The following MINDY4 variants were observed in gnomAD, a reference collection of about 807,000 sequenced individuals.
The protein encoded by MINDY4 is probable ubiquitin carboxyl-terminal hydrolase MINDY-4.
A neutral mutation model predicts 87.0 loss-of-function variants in MINDY4; 68 were observed. That is an observed-to-expected ratio of 0.78 (90% confidence interval 0.64 to 0.96). MINDY4 has a LOEUF of 0.96. MINDY4 is among the 40% of genes least tolerant of loss of function. The pLI, the probability that MINDY4 is intolerant of heterozygous loss-of-function variation, is 0.00. For synonymous variants in MINDY4, 379 were observed against 363.2 expected (o/e 1.04, Z -0.50); for missense variants, 919 against 928.2 (o/e 0.99, Z 0.13).
At chr7:30,776,308 G>C (rs78237147) in intron 1 of MINDY4, among the ~76,000 whole-genome samples, 4 of 152,108 alleles carry the variant, frequency 2.6e-5, no homozygotes, top group African/African-American at 9.7e-5. Flanking sequence ...CTGGCCTTTT[G>C]CAACTGGCTC....
chr7:30,870,499 A>G (rs1006442242), intron 13 of MINDY4, among the ~76,000 whole-genome samples: 13 of 152,134 alleles, frequency 8.5e-5, no homozygotes, highest in Non-Finnish European at 4.4e-5. Context: ...CACCCTTCCC[A>G]GAAGACCCCC....
At chr7:30,775,457 G>A (rs763238884) in intron 1 of MINDY4, among the ~76,000 whole-genome samples, 5 of 152,182 alleles carry the variant, frequency 3.3e-5, no homozygotes, top group African/African-American at 7.2e-5. Context: ...CTTCTGTGCC[G>A]TCTTCAGCAT....
chr7:30,802,834 A>G (rs141550013), intron 5 of MINDY4, among the ~76,000 whole-genome samples: 199 of 151,906 alleles, frequency 1.3e-3, no homozygotes, highest in Non-Finnish European at 2.4e-3. Flanking sequence ...CCAACCAACC[A>G]TCCCAACCGA....
At chr7:30,811,935 T>C (rs533825132) in intron 5 of MINDY4, among the ~76,000 whole-genome samples, 42 of 152,216 alleles carry the variant, frequency 2.8e-4, no homozygotes, top group Non-Finnish European at 5.3e-4. Context: ...CCCTTCCTTC[T>C]TTAACTCAAT....
At chr7:30,797,496 A>C (rs530748659) in intron 5 of MINDY4, among the ~76,000 whole-genome samples, 2 of 152,288 alleles carry the variant, frequency 1.3e-5, no homozygotes, top group African/African-American at 4.8e-5. Context: ...TCTGGACGCA[A>C]ATGCCGACAG....
chr7:30,850,653 AC>A, intron 10 of MINDY4, 98 bp downstream of exon 10: 1 of 1,083,426 alleles, frequency 9.2e-7, no homozygotes, highest in Non-Finnish European at 1.4e-6. Context: ...TCCTTCCGTT[AC>A]CCACCCTGTG....
Position 30,771,476 on chromosome 7 carries a change from A to C in MINDY4, c.-18A>C, listed in dbSNP as rs769049827. On this transcript the variant is annotated 5_prime_UTR_variant, in exon 1 of 18. Transcript: ENST00000265299. Reference sequence around the variant, plus strand: ...GCGGCCCGGCGTGGGCCTCGTGGGCAGAGCCAGAGCCAGAGCCATGGACAG... The same window carrying C: ...GCGGCCCGGCGTGGGCCTCGTGGGCCGAGCCAGAGCCAGAGCCATGGACAG... 1.3e-6 allele frequency: 2 copies of C among 1,597,932 alleles called. No individual in the cohort carries two copies. Among genetic ancestry groups the C allele is most frequent in the Admixed American group, 3.5e-5 (2 of 57,144 alleles).
At chr7:30,828,453 C>T (rs1788586752) in intron 5 of MINDY4, among the ~76,000 whole-genome samples, 1 of 152,142 alleles carries the variant, frequency 6.6e-6, no homozygotes. Context: ...GTGTATGAGT[C>T]TCTTTGTGAG....
chr7:30,824,988 G>GT (rs34190581), intron 5 of MINDY4, among the ~76,000 whole-genome samples: 57,251 of 151,964 alleles, frequency 0.38, 14,110 homozygotes, highest in African/African-American at 0.69. Context: ...TCTCTGGGGG[G>GT]CATGAGAGGA....
At chr7:30,826,607 G>A (rs1443953377) in intron 5 of MINDY4, among the ~76,000 whole-genome samples, 1 of 152,228 alleles carries the variant, frequency 6.6e-6, no homozygotes, top group Non-Finnish European at 1.5e-5. Context: ...GGAGAGCCTT[G>A]CAGGATACCT....
intron 5 of MINDY4, among the ~76,000 whole-genome samples, chr7:30,804,098 A>G (rs1434422680): frequency 6.6e-6 from 1 of 152,164 alleles, no homozygotes; most frequent in Non-Finnish European, 1.5e-5. Context: ...TGTGACTGTC[A>G]GAGGTGGTGT....
In MINDY4 at chr7:30,892,202, G is replaced by A. The variant is rs140974842; in HGVS notation, c.*197G>A. ...GTGCTGGGGACCCAGTGTGTTGCTG[G>A]GTCCCCTCCCAGCTGAGCTGTGACT... is the stretch of plus-strand genomic sequence containing the variant. On this transcript the variant is annotated 3_prime_UTR_variant, in exon 18 of 18. Coordinates refer to ENST00000265299, the MANE Select transcript of MINDY4 (RefSeq NM_032222.3). 4.3e-3 allele frequency: 2,539 copies of A among 595,542 alleles called. 50 individuals carry two copies. The African/African-American group carries it at 0.043, about 10-fold the overall frequency. 36.9% of individuals were successfully genotyped at this position (595,542 alleles called of 1,614,324 possible). A position where few individuals can be genotyped will look rare whatever the true frequency, so the allele number is the denominator to read the frequency against.
chr7:30,831,435 G>T (rs895922600), intron 6 of MINDY4, among the ~76,000 whole-genome samples: 3 of 152,150 alleles, frequency 2.0e-5, no homozygotes, highest in African/African-American at 7.2e-5. Context: ...GCTAAAGAAT[G>T]CACTTGCTGA....
Position 30,771,474 on chromosome 7 carries a change from G to GCAGAGC in MINDY4, c.-5_1dup, listed in dbSNP as rs539570513. ...CTGCGGCCCGGCGTGGGCCTCGTGG[G>GCAGAGC]CAGAGCCAGAGCCAGAGCCATGGAC... On this transcript the variant is annotated 5_prime_UTR_variant, in exon 1 of 18. Transcript: ENST00000265299. 7.6e-4 allele frequency: 1,207 copies of GCAGAGC among 1,598,042 alleles called. 1 individual carries two copies. The highest frequency in any genetic ancestry group is 4.7e-3 in the African/African-American group (352 of 74,910).
At position 30,892,179 on chromosome 7, in the gene MINDY4, G is replaced by T; in HGVS notation, c.*174G>T. On this transcript the variant is annotated 3_prime_UTR_variant, in exon 18 of 18. Transcript: ENST00000265299. Reference sequence around the variant, plus strand: ...CCATGAAGGGCCCACCCAAGACTGTGCTGGGGACCCAGTGTGTTGCTGGGT... The same window carrying T: ...CCATGAAGGGCCCACCCAAGACTGTTCTGGGGACCCAGTGTGTTGCTGGGT... The T allele has an allele frequency of 4.7e-6, 3 of 640,674 alleles. No homozygotes were observed. The highest frequency in any genetic ancestry group is 8.2e-6 in the Non-Finnish European group (3 of 367,268). 39.7% of individuals were successfully genotyped at this position (640,674 alleles called of 1,614,324 possible).
intron 2 of MINDY4, 158 bp from the exon 3 acceptor site, chr7:30,781,819 T>C (rs1452698407): frequency 6.5e-6 from 4 of 614,482 alleles, no homozygotes; most frequent in African/African-American, 1.8e-5. Context: ...ACATAGTACC[T>C]GACATATATA....
At chr7:30,861,848 C>T (rs562389035) in intron 13 of MINDY4, among the ~76,000 whole-genome samples, 28 of 152,246 alleles carry the variant, frequency 1.8e-4, no homozygotes, top group Non-Finnish European at 2.4e-4. Context: ...CAGGGATGTC[C>T]GGCAATTCCT....
At chr7:30,860,045 C>T (rs976846326) in intron 13 of MINDY4, among the ~76,000 whole-genome samples, 3 of 152,170 alleles carry the variant, frequency 2.0e-5, no homozygotes, top group Non-Finnish European at 4.4e-5. Context: ...AAAGTACAGT[C>T]AATTGCCCCA....
At position 30,791,725 on chromosome 7, in the gene MINDY4, A is replaced by G. The variant is rs1312096161; in HGVS notation, c.1073+151A>G. The G allele has an allele frequency of 1.0e-5, 9 of 864,892 alleles. No individual in the cohort carries two copies. The South Asian group carries it at 1.3e-4, about 12-fold the overall frequency. 53.6% of individuals were successfully genotyped at this position (864,892 alleles called of 1,614,324 possible). On this transcript the variant is annotated intron_variant, in intron 5 of 17. Coordinates refer to ENST00000265299, the MANE Select transcript of MINDY4 (RefSeq NM_032222.3). ...AGTAACCGGCAAGGTAGAGTTTGTT[A>G]TGGTCAACCAGGAAGAAAACTCAGC...
Sources: gnomAD v4.1 joint callset for allele counts (sites outside exome capture counted in the v4.1 genomes callset) on GRCh38, gnomAD v4.1.1 for gene constraint, MANE v1.5 for transcripts, NCBI Gene and HGNC (gene_info 2026-07-23, HGNC 2026-07-21) for gene names.